Variants in GLCE observed in about 807,000 individuals in gnomAD.
GLCE encodes the protein D-glucuronyl C5-epimerase.
Under a neutral mutation model 47.9 loss-of-function variants are expected in GLCE, and 19 were observed. That is an observed-to-expected ratio of 0.40 (90% CI 0.28 to 0.58). GLCE has a LOEUF of 0.58. Ranked by LOEUF, GLCE falls within the 20% of genes least tolerant of loss-of-function variation. The pLI is 0.48. For synonymous variants in GLCE, 245 were observed against 263.4 expected, an observed-to-expected ratio of 0.93 and a Z score of 0.68; for missense variants, 556 against 743.3, an observed-to-expected ratio of 0.75 and a Z score of 2.93.
At chr15:69,170,715 T>C (rs1388239522) in intron 1 of GLCE, among the ~76,000 whole-genome samples, 3 of 152,252 alleles carry the variant, frequency 2.0e-5, no homozygotes, top group Non-Finnish European at 2.9e-5. Flanking sequence ...ATGATTCGTA[T>C]CTGGCTACTG....
At chr15:69,231,126 T>C (rs1189969519) in intron 2 of GLCE, among the ~76,000 whole-genome samples, 1 of 152,244 alleles carries the variant, frequency 6.6e-6, no homozygotes, top group East Asian at 1.9e-4. Context: ...GCAATTCTGA[T>C]GACAGTTTTT....
At chr15:69,245,976 G>T (rs150171595) in intron 2 of GLCE, among the ~76,000 whole-genome samples, 1 of 152,084 alleles carries the variant, frequency 6.6e-6, no homozygotes, top group Non-Finnish European at 1.5e-5. Context: ...TAATCTGCCC[G>T]CCTCGGCCTC....
intron 1 of GLCE, among the ~76,000 whole-genome samples, chr15:69,191,295 G>T (rs2051909960): frequency 6.6e-6 from 1 of 152,056 alleles, no homozygotes; most frequent in South Asian, 2.1e-4. Flanking sequence ...CAACATTTCA[G>T]AAAGATATTT....
At chr15:69,171,399 CT>C (rs201615586) in intron 1 of GLCE, among the ~76,000 whole-genome samples, 19,482 of 140,004 alleles carry the variant, frequency 0.14, 1,250 homozygotes, top group African/African-American at 0.17. Context: ...GGGATATATT[CT>C]TTTTTTTTTT....
intron 2 of GLCE, among the ~76,000 whole-genome samples, chr15:69,229,371 C>A (rs1649190652): frequency 6.6e-6 from 1 of 152,082 alleles, no homozygotes; most frequent in South Asian, 2.1e-4. Context: ...CAGGCCATAG[C>A]ACAGGAAGAG....
chr15:69,264,063 A>T (rs971582418), intron 4 of GLCE, among the ~76,000 whole-genome samples: 3 of 152,134 alleles, frequency 2.0e-5, no homozygotes, highest in African/African-American at 7.2e-5. Context: ...GGCATACAAT[A>T]CAGTATTATA....
chr15:69,256,474 G>C, intron 3 of GLCE, 82 bp downstream of exon 3: 1 of 928,938 alleles, frequency 1.1e-6, no homozygotes, highest in South Asian at 1.5e-5. Flanking sequence ...TATACATCAA[G>C]TACATAGCTT....
At chr15:69,217,012 C>T (rs369701640) in intron 2 of GLCE, among the ~76,000 whole-genome samples, 2 of 152,124 alleles carry the variant, frequency 1.3e-5, no homozygotes, top group South Asian at 2.1e-4. Context: ...TTAGAATAAG[C>T]GTACCTCTTT....
intron 2 of GLCE, among the ~76,000 whole-genome samples, chr15:69,238,925 T>A (rs1010679078): frequency 6.6e-6 from 1 of 152,180 alleles, no homozygotes; most frequent in African/African-American, 2.4e-5. Flanking sequence ...AGATTCATAA[T>A]TACTTGCAAA....
chr15:69,184,078 T>C (rs1395544795), intron 1 of GLCE, among the ~76,000 whole-genome samples: 1 of 152,246 alleles, frequency 6.6e-6, no homozygotes, highest in African/African-American at 2.4e-5. Flanking sequence ...CAGTTTGATG[T>C]CTTCGTAGTC....
intron 2 of GLCE, among the ~76,000 whole-genome samples, chr15:69,244,281 C>A (rs960003405): frequency 2.0e-5 from 3 of 152,054 alleles, no homozygotes; most frequent in Non-Finnish European, 4.4e-5. Flanking sequence ...TCATTTCTGT[C>A]CCTTTCTAAT....
chr15:69,244,443 T>A lies in GLCE; in HGVS notation c.-13-11351T>A, dbSNP rs58103237. Among the ~76,000 whole-genome samples, 935 of 152,312 alleles carry A rather than the reference T, an allele frequency of 6.1e-3. 12 individuals carry two copies. Among genetic ancestry groups the A allele is most frequent in the African/African-American group, 0.021 (889 of 41,564 alleles). On this transcript the variant is annotated intron_variant, in intron 2 of 4. Coordinates refer to ENST00000261858, the MANE Select transcript of GLCE (RefSeq NM_015554.3). ...TGTGAACTGTTGATTTATGGTAAAA[T>A]TAAACTTTAACCAAAACAAGACCTG...
intron 4 of GLCE, among the ~76,000 whole-genome samples, chr15:69,265,904 T>G (rs1566973824): frequency 6.6e-6 from 1 of 152,202 alleles, no homozygotes; most frequent in Non-Finnish European, 1.5e-5. Flanking sequence ...GATAGTCTGC[T>G]CCACTGAATA....
chr15:69,161,532 C>T (rs1427748175), intron 1 of GLCE, among the ~76,000 whole-genome samples: 5 of 151,978 alleles, frequency 3.3e-5, no homozygotes, highest in Admixed American at 3.3e-4. Flanking sequence ...CGGGCAGTCT[C>T]TCGGGGTGGG....
At chr15:69,212,984 A>C (rs1471587371) in intron 2 of GLCE, among the ~76,000 whole-genome samples, 1 of 152,122 alleles carries the variant, frequency 6.6e-6, no homozygotes, top group East Asian at 1.9e-4. Context: ...AAATTTAAAA[A>C]AATCAAGTTT....
In GLCE at chr15:69,261,220, A is replaced by G. The variant is rs1396303502; in HGVS notation, c.720A>G (p.Glu240=). 6.2e-7 allele frequency: 1 copy of G among 1,614,052 alleles called. No homozygotes were observed. The highest frequency in any genetic ancestry group is 1.3e-5 in the African/African-American group (1 of 74,930). The change falls in exon 4 of 5, where the codon GAA becomes GAG. Residue 240 remains glutamate (E), a synonymous_variant. Coordinates refer to ENST00000261858, the MANE Select transcript of GLCE (RefSeq NM_015554.3). Reference sequence around the variant, plus strand: ...ACATAGAGGTATATGAAACAGCAGAAGACAGAGACAAAAACAAGCCTAATG... The same window carrying G: ...ACATAGAGGTATATGAAACAGCAGAGGACAGAGACAAAAACAAGCCTAATG... ...PPHIEVYETA[E]DRDKNKPNDW...
intron 2 of GLCE, among the ~76,000 whole-genome samples, chr15:69,229,727 A>T (rs2052495623): frequency 6.6e-6 from 1 of 152,208 alleles, no homozygotes; most frequent in African/African-American, 2.4e-5. Flanking sequence ...AAAAAAAATG[A>T]CAAAGATGAG....
chr15:69,250,706 G>A (rs1173288290), intron 2 of GLCE, among the ~76,000 whole-genome samples: 2 of 150,066 alleles, frequency 1.3e-5, no homozygotes, highest in East Asian at 2.0e-4. Context: ...GTGGACACCC[G>A]ATCGGCATAG....
intron 1 of GLCE, among the ~76,000 whole-genome samples, chr15:69,205,490 C>G (rs899761403): frequency 6.6e-6 from 1 of 152,028 alleles, no homozygotes; most frequent in Non-Finnish European, 1.5e-5. Context: ...AATGAGTTCT[C>G]ATTTCTTTTG....
Sources: allele counts gnomAD v4.1 joint callset (sites outside exome capture counted in the v4.1 genomes callset), GRCh38; gene constraint gnomAD v4.1.1; transcripts MANE v1.5; gene names NCBI Gene and HGNC (gene_info 2026-07-23, HGNC 2026-07-21).